The following FOLH1 variants were observed in gnomAD, a reference collection of about 807,000 sequenced individuals.
The protein encoded by FOLH1 is folate hydrolase 1.
In FOLH1, 54 loss-of-function variants were observed where a neutral mutation model predicts 93.9. That is an observed-to-expected ratio of 0.57 (90% confidence interval 0.46 to 0.72). The LOEUF (loss-of-function observed/expected upper bound fraction) is 0.72, where lower values mean the gene tolerates loss of function less well. Among genes scored for constraint, FOLH1 ranks in the 30% least tolerant of loss-of-function variants. FOLH1 has a pLI of 0.00. For synonymous variants in FOLH1, 249 were observed against 303.6 expected (o/e 0.82, Z 1.87); for missense variants, 571 against 892.5 (o/e 0.64, Z 4.59).
chr11:49,200,704 G>A (rs1435215870), intron 2 of FOLH1, among the ~76,000 whole-genome samples: 1 of 152,030 alleles, frequency 6.6e-6, no homozygotes, highest in Non-Finnish European at 1.5e-5. Context: ...ACCTCGTATG[G>A]TAGATTATCA....
At chr11:49,205,463 A>T (rs1017741924) in intron 2 of FOLH1, among the ~76,000 whole-genome samples, 4 of 152,152 alleles carry the variant, frequency 2.6e-5, no homozygotes, top group Non-Finnish European at 5.9e-5. Context: ...GATGTGGAAA[A>T]GAGAGCTCAG....
intron 17 of FOLH1, among the ~76,000 whole-genome samples, chr11:49,153,629 G>A (rs1446387852): frequency 6.6e-6 from 1 of 152,038 alleles, no homozygotes; most frequent in African/African-American, 2.4e-5. Flanking sequence ...TGCTAGAGTG[G>A]AAAGACAGAA....
At chr11:49,175,759 G>A (rs1859923796) in intron 8 of FOLH1, 100 bp downstream of exon 8, 3 of 994,224 alleles carry the variant, frequency 3.0e-6, no homozygotes, top group African/African-American at 1.7e-5. Context: ...TTTGTTTCCT[G>A]CTGGTATTAC....
At chr11:49,198,947 T>C (rs1862978031) in intron 3 of FOLH1, among the ~76,000 whole-genome samples, 1 of 152,092 alleles carries the variant, frequency 6.6e-6, no homozygotes, top group South Asian at 2.1e-4. Context: ...TGTTAACTAC[T>C]ATGATTGAGA....
intron 12 of FOLH1, among the ~76,000 whole-genome samples, chr11:49,168,245 G>T (rs372777766): frequency 1.3e-5 from 2 of 151,494 alleles, no homozygotes; most frequent in South Asian, 4.1e-4. Flanking sequence ...TCAAAGGAGG[G>T]TCTAAGGATA....
chr11:49,190,106 A>C (rs923315069), intron 4 of FOLH1, among the ~76,000 whole-genome samples: 54 of 152,232 alleles, frequency 3.5e-4, no homozygotes, highest in African/African-American at 1.2e-3. Flanking sequence ...ATGTGATTTC[A>C]GCAAAATAAT....
intron 3 of FOLH1, among the ~76,000 whole-genome samples, chr11:49,198,783 T>C (rs1422465742): frequency 6.6e-6 from 1 of 151,578 alleles, no homozygotes; most frequent in South Asian, 2.1e-4. Context: ...TTTTCTTTTT[T>C]TTTTTTTTCC....
chr11:49,198,744 T>C (rs1862947349), intron 3 of FOLH1, among the ~76,000 whole-genome samples: 1 of 151,828 alleles, frequency 6.6e-6, no homozygotes, highest in South Asian at 2.1e-4. Flanking sequence ...CTTTTCAATA[T>C]AATATATTTT....
intron 13 of FOLH1, among the ~76,000 whole-genome samples, chr11:49,160,832 A>G (rs917694681): frequency 1.3e-5 from 2 of 152,120 alleles, no homozygotes; most frequent in African/African-American, 4.8e-5. Flanking sequence ...CTGGTGTGTC[A>G]TATCTTTGTT....
chr11:49,193,397 T>C (rs1221197589), intron 3 of FOLH1, among the ~76,000 whole-genome samples: 1 of 152,234 alleles, frequency 6.6e-6, no homozygotes. Flanking sequence ...CATGAATTTC[T>C]TGAGAGAACT....
chr11:49,182,720 T>C (rs376720525), intron 7 of FOLH1, among the ~76,000 whole-genome samples: 1 of 152,210 alleles, frequency 6.6e-6, no homozygotes, highest in African/African-American at 2.4e-5. Context: ...GCAGCATCTA[T>C]TTAAGCGAGG....
At chr11:49,170,168 G>A (rs1233100655) in intron 11 of FOLH1, among the ~76,000 whole-genome samples, 2 of 152,046 alleles carry the variant, frequency 1.3e-5, no homozygotes, top group African/African-American at 2.4e-5. Context: ...TTACTTTATA[G>A]CTAACGTTTC....
chr11:49,163,204 G>A (rs2134993809), intron 13 of FOLH1, among the ~76,000 whole-genome samples: 1 of 152,052 alleles, frequency 6.6e-6, no homozygotes, highest in Admixed American at 6.6e-5. Flanking sequence ...CAAAGATGGT[G>A]GTTTGCCCCT....
At chr11:49,153,815 A>G in intron 17 of FOLH1, 31 bp downstream of exon 17, 1 of 1,427,796 alleles carries the variant, frequency 7.0e-7, no homozygotes, top group Non-Finnish European at 9.5e-7. Flanking sequence ...ACACACACAT[A>G]CACACATATG....
Position 49,175,975 on chromosome 11 carries a change from A to T in FOLH1, c.921-18T>A. 3 of 1,608,206 alleles carry T rather than the reference A, an allele frequency of 1.9e-6. No homozygotes were observed. Among genetic ancestry groups the T allele is most frequent in the Non-Finnish European group, 2.5e-6 (3 of 1,177,738 alleles). On this transcript the variant is annotated intron_variant, in intron 7 of 18. Transcript: ENST00000256999. Reference sequence around the variant, plus strand: ...CCATTTTTCTATTGGACACAAAAAAACATTATTAGCCACAAAAAAACCTTG... The same window carrying T: ...CCATTTTTCTATTGGACACAAAAAATCATTATTAGCCACAAAAAAACCTTG...
At chr11:49,187,379 A>G (rs1861530327) in intron 4 of FOLH1, among the ~76,000 whole-genome samples, 1 of 152,070 alleles carries the variant, frequency 6.6e-6, no homozygotes, top group Non-Finnish European at 1.5e-5. Context: ...AATTTTGACA[A>G]TGTCCCCCTT....
chr11:49,153,752 C>A, intron 17 of FOLH1, 94 bp downstream of exon 17: 1 of 877,386 alleles, frequency 1.1e-6, no homozygotes, highest in Non-Finnish European at 1.6e-6. Flanking sequence ...CAAGAAATTC[C>A]CAAAGCTAGT....
intron 12 of FOLH1, among the ~76,000 whole-genome samples, chr11:49,167,104 A>T (rs1294419720): frequency 6.6e-6 from 1 of 152,200 alleles, no homozygotes. Flanking sequence ...TTTCAAGAAA[A>T]TATATTTGGA....
Position 49,187,165 on chromosome 11 carries a change from G to T in FOLH1, c.514-396C>A, listed in dbSNP as rs138764687. Among the ~76,000 whole-genome samples, 1,279 of 152,250 alleles carry T rather than the reference G, an allele frequency of 8.4e-3. 22 individuals are homozygous for T. The highest frequency in any genetic ancestry group is 0.03 in the African/African-American group (1,245 of 41,526). On this transcript the variant is annotated intron_variant, in intron 4 of 18. Transcript: ENST00000256999. ...TCTCTCTTCAGTGTGTGTTCACAGG[G>T]AGTAGCTTAATGGTTCTTAACAACC...
Sources: allele counts gnomAD v4.1 joint callset (sites outside exome capture counted in the v4.1 genomes callset), GRCh38; gene constraint gnomAD v4.1.1; transcripts MANE v1.5; gene names NCBI Gene and HGNC (gene_info 2026-07-23, HGNC 2026-07-21).